Variants in YES1 observed in about 807,000 individuals in gnomAD.
YES1 encodes YES proto-oncogene 1, Src family tyrosine kinase.
In YES1, 39 loss-of-function variants were observed where a neutral mutation model predicts 70.4. That is an observed-to-expected ratio of 0.55 (90% CI 0.43 to 0.72). The LOEUF is 0.72. Among genes scored for constraint, YES1 ranks in the 30% least tolerant of loss-of-function variants. The pLI is 0.00. For synonymous variants in YES1, 198 were observed against 218.6 expected (o/e 0.91, Z 0.83); for missense variants, 495 against 644.8 (o/e 0.77, Z 2.52).
At chr18:797,119 A>C (rs1394527499) in intron 1 of YES1, among the ~76,000 whole-genome samples, 1 of 152,190 alleles carries the variant, frequency 6.6e-6, no homozygotes, top group African/African-American at 2.4e-5. Flanking sequence ...AAAGACAAAG[A>C]AAGAATATCT....
intron 2 of YES1, among the ~76,000 whole-genome samples, chr18:755,726 AG>A (rs2080398285): frequency 6.6e-6 from 1 of 152,182 alleles, no homozygotes; most frequent in Non-Finnish European, 1.5e-5. Context: ...GACACTCCCA[AG>A]GGCTGCAGAA....
chr18:799,368 T>C (rs1201323730), intron 1 of YES1, among the ~76,000 whole-genome samples: 1 of 152,214 alleles, frequency 6.6e-6, no homozygotes, highest in Non-Finnish European at 1.5e-5. Context: ...GACTTGCTTA[T>C]ATCAATGTAA....
chr18:759,791 T>C (rs1323521584), intron 1 of YES1, among the ~76,000 whole-genome samples: 1 of 152,104 alleles, frequency 6.6e-6, no homozygotes, highest in Non-Finnish European at 1.5e-5. Flanking sequence ...ACATGTGCCA[T>C]GTTGGTGTGC....
At chr18:810,099 C>G (rs796353352) in intron 1 of YES1, among the ~76,000 whole-genome samples, 12 of 151,554 alleles carry the variant, frequency 7.9e-5, no homozygotes, top group African/African-American at 2.7e-4. Context: ...TTCTTTCTTA[C>G]TATAATGCTA....
chr18:809,693 G>T (rs1010769078), intron 1 of YES1, among the ~76,000 whole-genome samples: 2 of 152,054 alleles, frequency 1.3e-5, no homozygotes, highest in African/African-American at 2.4e-5. Flanking sequence ...CCTAGGTAGT[G>T]TTCGAAAGTC....
intron 11 of YES1, among the ~76,000 whole-genome samples, chr18:732,109 A>T (rs2080097361): frequency 6.6e-6 from 1 of 152,058 alleles, no homozygotes; most frequent in Admixed American, 6.6e-5. Flanking sequence ...ATCTCAAAAT[A>T]ATCTACTGAA....
intron 1 of YES1, among the ~76,000 whole-genome samples, chr18:779,211 GGGCAACAAAAGGAGACCCCCGTCCC>G (rs1321185770): frequency 6.6e-5 from 10 of 151,784 alleles, no homozygotes; most frequent in African/African-American, 2.4e-4. Context: ...GGACCAGCCT[GGGCAACAAAAGGAGACCCCCGTCCC>G]GGCAAAAAAT....
chr18:728,274 C>CCCTGATTGTGCCACTGTGCA (rs2080045489), intron 11 of YES1, among the ~76,000 whole-genome samples: 1 of 151,566 alleles, frequency 6.6e-6, no homozygotes, highest in African/African-American at 2.4e-5. Flanking sequence ...CTGCAGTGAG[C>CCCTGATTGTGCCACTGTGCA]CCTGATTGTG....
intron 3 of YES1, among the ~76,000 whole-genome samples, chr18:749,691 TA>T (rs542060072): frequency 7.0e-5 from 10 of 143,490 alleles, no homozygotes; most frequent in South Asian, 4.5e-4. Flanking sequence ...CCGTCTCTAC[TA>T]AAAAAAAAAC....
At chr18:800,234 G>C (rs1380378709) in intron 1 of YES1, among the ~76,000 whole-genome samples, 1 of 152,184 alleles carries the variant, frequency 6.6e-6, no homozygotes, top group Non-Finnish European at 1.5e-5. Flanking sequence ...CCCATGATAG[G>C]CAGAACATGC....
intron 1 of YES1, among the ~76,000 whole-genome samples, chr18:761,799 T>A (rs1161545540): frequency 6.6e-6 from 1 of 152,254 alleles, no homozygotes; most frequent in South Asian, 2.1e-4. Flanking sequence ...TCATCTCATT[T>A]TGAAATATTA....
intron 1 of YES1, among the ~76,000 whole-genome samples, chr18:775,806 A>G (rs149275233): frequency 6.8e-6 from 1 of 147,598 alleles, no homozygotes; most frequent in South Asian, 2.1e-4. Flanking sequence ...CAAATAAATT[A>G]AAAAAAAAAA....
intron 1 of YES1, among the ~76,000 whole-genome samples, chr18:799,112 A>G (rs1004017922): frequency 1.3e-4 from 20 of 152,220 alleles, no homozygotes; most frequent in Non-Finnish European, 2.2e-4. Flanking sequence ...AACCCGAATT[A>G]AGATACCATC....
Position 721,671 on chromosome 18 carries a change from A to G in YES1, c.*2753T>C, listed in dbSNP as rs956846880. 3 of 152,228 alleles carry G rather than the reference A, an allele frequency of 2.0e-5. No homozygotes were observed. The highest frequency in any genetic ancestry group is 2.0e-4 in the Admixed American group (3 of 15,284). 9.4% of individuals were successfully genotyped at this position (152,228 alleles called of 1,614,324 possible). A position where few individuals can be genotyped will look rare whatever the true frequency, so the allele number is the denominator to read the frequency against. ...CAAGTAACTGAACATTTTTTTCTCA[A>G]TGGAAGAATAAATTCAGAATATATC... is the stretch of plus-strand genomic sequence containing the variant. On this transcript the variant is annotated 3_prime_UTR_variant, in exon 12 of 12. Coordinates refer to ENST00000314574, the MANE Select transcript of YES1 (RefSeq NM_005433.4).
Position 747,914 on chromosome 18 carries a change from C to T in YES1, c.470+6G>A. 1.9e-6 allele frequency: 3 copies of T among 1,611,722 alleles called. No individual in the cohort carries two copies. In the South Asian group the frequency reaches 3.3e-5, roughly 18 times the overall value. On this transcript the variant is annotated splice_donor_region_variant and intron_variant, in intron 4 of 11. Transcript: ENST00000314574. ...ATAATTAATAAAATATGAAGTAGTG[C>T]CATACTCTTCTGCCTGAATGGAATC...
intron 1 of YES1, among the ~76,000 whole-genome samples, chr18:767,034 G>C (rs1338724838): frequency 6.6e-6 from 1 of 151,976 alleles, no homozygotes; most frequent in Admixed American, 6.6e-5. Flanking sequence ...TTCTTCACCA[G>C]AAGATTTTCT....
At chr18:767,705 T>C (rs1402609989) in intron 1 of YES1, among the ~76,000 whole-genome samples, 1 of 152,122 alleles carries the variant, frequency 6.6e-6, no homozygotes, top group Admixed American at 6.6e-5. Context: ...GTTTTTTCAT[T>C]TTTATTTATT....
intron 2 of YES1, among the ~76,000 whole-genome samples, chr18:753,437 A>G (rs1015234509): frequency 1.3e-5 from 2 of 152,160 alleles, no homozygotes; most frequent in Non-Finnish European, 2.9e-5. Context: ...TTTAATTTGA[A>G]TATGTATATA....
rs143612519 is a variant in YES1, at chr18:742,332, G to C, written c.1060+586C>G. ...TGAAGAAACTTCCATTGAAGGTAGT[G>C]GGGAGGCCAGGCACAGTGGCTCATG... On this transcript the variant is annotated intron_variant, in intron 8 of 11. Transcript: ENST00000314574. 5.6e-3 allele frequency among the ~76,000 whole-genome samples: 844 copies of C among 152,008 alleles called. 3 individuals are homozygous for C. The highest frequency in any genetic ancestry group is 8.5e-3 in the Non-Finnish European group (577 of 67,966).
Sources: allele counts gnomAD v4.1 joint callset (sites outside exome capture counted in the v4.1 genomes callset), GRCh38; gene constraint gnomAD v4.1.1; transcripts MANE v1.5; gene names NCBI Gene and HGNC (gene_info 2026-07-23, HGNC 2026-07-21).